The following PTPRT variants were observed in gnomAD, a reference collection of about 807,000 sequenced individuals.
The protein encoded by PTPRT is receptor-type tyrosine-protein phosphatase T.
In PTPRT, 56 loss-of-function variants were observed where a neutral mutation model predicts 176.8. The observed-to-expected ratio is 0.32, with a 90% confidence interval of 0.26 to 0.40. The LOEUF (loss-of-function observed/expected upper bound fraction) is 0.40. PTPRT is among the 10% of genes least tolerant of loss of function. The pLI, the probability that PTPRT is intolerant of heterozygous loss-of-function variation, is 1.00. For missense variants in PTPRT, 1,540 were observed against 1,908.2 expected (o/e 0.81, Z 3.60); for synonymous variants, 783 against 739.0 (o/e 1.06, Z -0.96).
intron 7 of PTPRT, among the ~76,000 whole-genome samples, chr20:42,624,005 C>CAAAAAAAAAAAAAAAAAAAAACA (rs1159094345): frequency 7.4e-6 from 1 of 135,754 alleles, no homozygotes; most frequent in African/African-American, 3.2e-5. Flanking sequence ...AAAACAATAG[C>CAAAAAAAAAAAAAAAAAAAAACA]AACAAACAAA....
Position 42,648,977 on chromosome 20 carries a change from C to T in PTPRT, c.1153+28889G>A, listed in dbSNP as rs1199403308. On this transcript the variant is annotated intron_variant, in intron 7 of 30. Coordinates refer to ENST00000373187, the MANE Select transcript of PTPRT (RefSeq NM_007050.6). ...GGGACTACAGGCACCTGCCACCATG[C>T]CTGGCTAATTTTTTCTATTTTTTAG... Among the ~76,000 whole-genome samples, 8 of 152,014 alleles carry T rather than the reference C, an allele frequency of 5.3e-5. No individual in the cohort carries two copies. The Middle Eastern group carries it at 0.01, about 194-fold the overall frequency.
chr20:42,265,923 T>C (rs1018172829), intron 13 of PTPRT, among the ~76,000 whole-genome samples: 3 of 152,164 alleles, frequency 2.0e-5, no homozygotes, highest in African/African-American at 7.2e-5. Context: ...CCAGAGAGTG[T>C]ATGATGACCT....
chr20:42,743,572 A>C (rs1042496934), intron 6 of PTPRT, among the ~76,000 whole-genome samples: 25 of 152,214 alleles, frequency 1.6e-4, no homozygotes, highest in Admixed American at 1.4e-3. Flanking sequence ...ACAACCCATT[A>C]TTTTGACAAA....
intron 1 of PTPRT, among the ~76,000 whole-genome samples, chr20:42,886,468 A>G (rs1310862247): frequency 6.6e-6 from 1 of 152,228 alleles, no homozygotes; most frequent in African/African-American, 2.4e-5. Context: ...ATGGAATAAC[A>G]TGTGAAAAGT....
chr20:42,757,538 G>C (rs2076852873), intron 5 of PTPRT, among the ~76,000 whole-genome samples: 1 of 152,176 alleles, frequency 6.6e-6, no homozygotes, highest in Non-Finnish European at 1.5e-5. Flanking sequence ...TCCGTAAAAA[G>C]CCACGTTCAG....
intron 6 of PTPRT, among the ~76,000 whole-genome samples, chr20:42,739,573 G>A (rs2076579137): frequency 1.3e-5 from 2 of 152,164 alleles, no homozygotes; most frequent in African/African-American, 2.4e-5. Context: ...GTGTTAGACA[G>A]GAAGTCAGGG....
intron 14 of PTPRT, among the ~76,000 whole-genome samples, chr20:42,236,715 A>G (rs1490499757): frequency 6.6e-6 from 1 of 151,624 alleles, no homozygotes; most frequent in Non-Finnish European, 1.5e-5. Flanking sequence ...AAGCAACACC[A>G]AACTTCTTCT....
chr20:42,654,053 CA>C (rs1436087441), intron 7 of PTPRT, among the ~76,000 whole-genome samples: 3 of 152,166 alleles, frequency 2.0e-5, no homozygotes, highest in African/African-American at 7.2e-5. Context: ...CAGGACAGGA[CA>C]GGGGAGGCTG....
intron 7 of PTPRT, among the ~76,000 whole-genome samples, chr20:42,538,022 T>A (rs1355735196): frequency 6.6e-6 from 1 of 152,164 alleles, no homozygotes; most frequent in Non-Finnish European, 1.5e-5. Flanking sequence ...CATTCCAACA[T>A]TTAAATATAA....
intron 7 of PTPRT, among the ~76,000 whole-genome samples, chr20:42,481,767 T>C (rs928345141): frequency 3.6e-5 from 5 of 137,148 alleles, no homozygotes; most frequent in African/African-American, 1.4e-4. Context: ...AAAAAAACCA[T>C]ACACACACAA....
intron 4 of PTPRT, among the ~76,000 whole-genome samples, chr20:42,772,135 G>GA (rs1197738743): frequency 6.6e-6 from 1 of 152,226 alleles, no homozygotes; most frequent in African/African-American, 2.4e-5. Context: ...TGATGAGGAA[G>GA]ATGATGAGGA....
At chr20:42,149,819 T>A (rs1989043810) in intron 17 of PTPRT, among the ~76,000 whole-genome samples, 1 of 152,130 alleles carries the variant, frequency 6.6e-6, no homozygotes, top group Non-Finnish European at 1.5e-5. Context: ...TCCTTGATGA[T>A]ATGCTTTATA....
intron 20 of PTPRT, among the ~76,000 whole-genome samples, chr20:42,119,013 G>GAAAAA (rs11415242): frequency 6.5e-4 from 19 of 29,220 alleles, no homozygotes; most frequent in Admixed American, 9.2e-4. Context: ...AGAAAGGAAG[G>GAAAAA]AAAAAAAAAA....
chr20:42,272,910 G>T (rs1020457241), intron 13 of PTPRT, among the ~76,000 whole-genome samples: 1 of 152,154 alleles, frequency 6.6e-6, no homozygotes, highest in African/African-American at 2.4e-5. Flanking sequence ...TGGCTTGAAG[G>T]CTTTCTTGAC....
intron 12 of PTPRT, among the ~76,000 whole-genome samples, chr20:42,310,728 A>C (rs542890808): frequency 6.6e-6 from 1 of 152,316 alleles, no homozygotes; most frequent in East Asian, 1.9e-4. Context: ...ACAAATGGTT[A>C]CAACATGGTC....
intron 8 of PTPRT, among the ~76,000 whole-genome samples, chr20:42,471,173 C>T (rs1436909099): frequency 6.6e-6 from 1 of 152,194 alleles, no homozygotes; most frequent in Non-Finnish European, 1.5e-5. Flanking sequence ...TTAATTCTTA[C>T]ATAATTCAGC....
chr20:42,350,229 T>TGTTG (rs760600952), intron 11 of PTPRT, among the ~76,000 whole-genome samples: 49 of 96,124 alleles, frequency 5.1e-4, no homozygotes, highest in East Asian at 2.0e-3. Context: ...TTTTTTTTTT[T>TGTTG]TTTTTTTTTT....
chr20:42,705,634 CT>C (rs751370877), intron 6 of PTPRT, among the ~76,000 whole-genome samples: 3 of 152,112 alleles, frequency 2.0e-5, no homozygotes, highest in Non-Finnish European at 2.9e-5. Context: ...CAGCTTTGGT[CT>C]GTTGTAATCA....
At chr20:43,038,503 AAC>A (rs1309894978) in intron 1 of PTPRT, among the ~76,000 whole-genome samples, 1 of 152,210 alleles carries the variant, frequency 6.6e-6, no homozygotes, top group Admixed American at 6.5e-5. Context: ...TATCTGAAAA[AAC>A]AGTCATCATA....
Sources: allele counts gnomAD v4.1 joint callset (sites outside exome capture counted in the v4.1 genomes callset), GRCh38; gene constraint gnomAD v4.1.1; transcripts MANE v1.5; gene names NCBI Gene and HGNC (gene_info 2026-07-23, HGNC 2026-07-21).